Variants in GTPBP1 observed in about 807,000 individuals in gnomAD.
GTPBP1 encodes GTP binding protein 1.
In GTPBP1, 23 loss-of-function variants were observed where a neutral mutation model predicts 62.0. The ratio of observed to expected loss-of-function variants is 0.37; its 90% CI spans 0.27 to 0.53. The LOEUF (loss-of-function observed/expected upper bound fraction) is 0.53. Among genes scored for constraint, GTPBP1 ranks in the 20% least tolerant of loss-of-function variants. The pLI is 0.89. For missense variants in GTPBP1, 640 were observed against 917.3 expected (o/e 0.70, Z 3.90); for synonymous variants, 344 against 364.4 (o/e 0.94, Z 0.64).
intron 2 of GTPBP1, among the ~76,000 whole-genome samples, chr22:38,715,193 T>C (rs1039142132): frequency 1.5e-4 from 23 of 152,214 alleles, no homozygotes; most frequent in African/African-American, 5.3e-4. Context: ...GAGATCTTTC[T>C]AACCCACAGC....
At chr22:38,729,699 G>T (rs781597788) in intron 11 of GTPBP1, 37 bp downstream of exon 11, 9 of 1,398,952 alleles carry the variant, frequency 6.4e-6, no homozygotes, top group South Asian at 1.6e-5. Context: ...GCATGGTGGT[G>T]GGGGCTGTGG....
At chr22:38,741,327 C>G (rs1031813190), downstream of GTPBP1, among the ~76,000 whole-genome samples, 2 of 152,188 alleles carry the variant, frequency 1.3e-5, no homozygotes. Context: ...CCCTGCACAG[C>G]TCTCCAACTA....
At chr22:38,733,955 C>T (rs1426406340), downstream of GTPBP1, among the ~76,000 whole-genome samples, 1 of 152,216 alleles carries the variant, frequency 6.6e-6, no homozygotes, top group Non-Finnish European at 1.5e-5. Context: ...GTGGGGATGT[C>T]TCCTTTGTTT....
chr22:38,742,802 G>A (rs145281800), downstream of GTPBP1: 454 of 499,994 alleles, frequency 9.1e-4, 2 homozygotes, highest in African/African-American at 8.4e-3. Flanking sequence ...CAGTACCGAA[G>A]TCTGATCCCA....
chr22:38,730,770 G>A lies in GTPBP1; in HGVS notation c.*66G>A. On this transcript the variant is annotated 3_prime_UTR_variant, in exon 12 of 12. Transcript: ENST00000216044. The surrounding 1 kb of genome is among the most constrained non-coding windows in gnomAD (Gnocchi z 5.6). ...TCTCTGGCCACCACTCCACCAGATG[G>A]GCAGAGCAGCTATGACCGCCACCCA... The A allele has an allele frequency of 1.1e-6, 1 of 889,138 alleles. No homozygotes were observed. The highest frequency in any genetic ancestry group is 1.7e-6 in the Non-Finnish European group (1 of 585,902). The allele number at this position is 889,138 out of a possible 1,614,324, so 55.1% of individuals were successfully genotyped here.
downstream of GTPBP1, chr22:38,740,412 TG>T: frequency 3.9e-6 from 6 of 1,553,886 alleles, no homozygotes; most frequent in Non-Finnish European, 5.2e-6. This position sits in a 1 kb window ranked among gnomAD's most constrained non-coding sequence, Gnocchi z 4.8. Flanking sequence ...AGAGCTCTCC[TG>T]GAAGGACTCC....
chr22:38,716,790 C>A lies in GTPBP1; in HGVS notation c.624C>A (p.Thr208=), dbSNP rs1245441399. 1 of 1,614,120 alleles carries A rather than the reference C, an allele frequency of 6.2e-7. No individual in the cohort carries two copies. Among genetic ancestry groups the A allele is most frequent in the East Asian group, 2.2e-5 (1 of 44,884 alleles). Residue 208 remains threonine, a synonymous_variant, in exon 4 of 12, where the codon ACC becomes ACA. Transcript: ENST00000216044. This position sits in a 1 kb window ranked among gnomAD's most constrained non-coding sequence, Gnocchi z 5.2. ...AACATGAAATTGAATCTGGTCGCAC[C>A]AGCAGTGTGGGCAACGACATTCTGG... The part of the protein sequence containing the change: ...RHKHEIESGR[T]SSVGNDILGF...
At chr22:38,707,926 C>A (rs913724662) in intron 1 of GTPBP1, among the ~76,000 whole-genome samples, 1 of 152,122 alleles carries the variant, frequency 6.6e-6, no homozygotes, top group Non-Finnish European at 1.5e-5. Flanking sequence ...AATGTGGAGA[C>A]CTAAGGCTCC....
intron 6 of GTPBP1, chr22:38,725,788 C>T: frequency 1.8e-6 from 1 of 566,046 alleles, no homozygotes; most frequent in South Asian, 2.2e-5. Context: ...AGAGACAGAA[C>T]TGAGTGAGAG....
intron 4 of GTPBP1, among the ~76,000 whole-genome samples, chr22:38,718,454 C>A (rs2092682456): frequency 6.6e-6 from 1 of 152,150 alleles, no homozygotes; most frequent in East Asian, 1.9e-4. Context: ...TGGCATTTGA[C>A]TTCTAGGAAA....
chr22:38,724,008 C>G (rs773767230), intron 5 of GTPBP1, among the ~76,000 whole-genome samples: 32 of 152,154 alleles, frequency 2.1e-4, no homozygotes, highest in Admixed American at 2.6e-4. Flanking sequence ...CTTGGGGACC[C>G]TCAAGTCACA....
downstream of GTPBP1, chr22:38,739,487 C>G: frequency 6.3e-7 from 1 of 1,581,614 alleles, no homozygotes. This position sits in a 1 kb window ranked among gnomAD's most constrained non-coding sequence, Gnocchi z 6.7. Context: ...CCTGTCACCT[C>G]GTGGCCGTGG....
At chr22:38,718,631 G>T (rs566540081) in intron 4 of GTPBP1, among the ~76,000 whole-genome samples, 1 of 152,218 alleles carries the variant, frequency 6.6e-6, no homozygotes, top group Non-Finnish European at 1.5e-5. Flanking sequence ...GCCAGCTGGG[G>T]TGACTCATCT....
Position 38,716,841 on chromosome 22 carries a change from G to A in GTPBP1, c.675G>A (p.Val225=), listed in dbSNP as rs760440126. 8 of 1,614,194 alleles carry A rather than the reference G, an allele frequency of 5.0e-6. No homozygotes were observed. The Admixed American group carries it at 1.3e-4, about 27-fold the overall frequency. The change falls in exon 4 of 12, where the codon GTG becomes GTA. Residue 225 remains valine, a synonymous_variant. Transcript: ENST00000216044. This position sits in a 1 kb window ranked among gnomAD's most constrained non-coding sequence, Gnocchi z 5.2. ...ILGFDSEGNV[V]NKPDSHGGSL... is the part of the protein sequence containing the mutation. ...GCTTTGACAGTGAAGGCAATGTAGT[G>A]AACAAGCCTGACAGCCACGGCGGCA...
downstream of GTPBP1, chr22:38,735,462 A>C (rs2092795837): frequency 3.4e-6 from 1 of 298,274 alleles, no homozygotes; most frequent in Non-Finnish European, 6.6e-6. Context: ...ATACCCTGGG[A>C]GAATGTGGAA....
chr22:38,740,405 G>T, downstream of GTPBP1: 2 of 1,566,298 alleles, frequency 1.3e-6, no homozygotes, highest in Admixed American at 1.9e-5. This position sits in a 1 kb window ranked among gnomAD's most constrained non-coding sequence, Gnocchi z 4.8. Flanking sequence ...CCTTCACAGA[G>T]CTCTCCTGGA....
At position 38,731,043 on chromosome 22, in the gene GTPBP1, T is replaced by TGTGTGTGG. The variant is rs2092756772; in HGVS notation, c.*340_*347dup. 2.1e-5 allele frequency: 5 copies of TGTGTGTGG among 239,544 alleles called. 1 individual carries two copies. In the South Asian group the frequency reaches 3.1e-4, roughly 15 times the overall value. 14.8% of individuals were successfully genotyped at this position (239,544 alleles called of 1,614,324 possible). A position where few individuals can be genotyped will look rare whatever the true frequency, so the allele number is the denominator to read the frequency against. On this transcript the variant is annotated 3_prime_UTR_variant, in exon 12 of 12. Coordinates refer to ENST00000216044, the MANE Select transcript of GTPBP1 (RefSeq NM_004286.5). ...GTGTGTGTGTGTGTGTGTGTGTGTG[T>TGTGTGTGG]GTGTGTGGTGCAGGAGTGCCACCCC...
chr22:38,706,378 C>T (rs1257900575), intron 1 of GTPBP1: 1 of 336,838 alleles, frequency 3.0e-6, no homozygotes, highest in African/African-American at 2.1e-5. Flanking sequence ...CCAACCCAGC[C>T]TCCCGCCCTC....
chr22:38,740,810 C>T, downstream of GTPBP1: 1 of 624,286 alleles, frequency 1.6e-6, no homozygotes, highest in Non-Finnish European at 2.8e-6. The surrounding 1 kb of genome is among the most constrained non-coding windows in gnomAD (Gnocchi z 4.8). Flanking sequence ...CCCTCAGGAC[C>T]CCCCTGCTAA....
Sources: gnomAD v4.1 joint callset for allele counts (sites outside exome capture counted in the v4.1 genomes callset) on GRCh38, gnomAD v4.1.1 for gene constraint, Gnocchi (gnomAD v3.1) non-coding constraint, MANE v1.5 for transcripts, NCBI Gene and HGNC (gene_info 2026-07-23, HGNC 2026-07-21) for gene names.